PTPRD: variants seen among roughly 807,000 people sequenced by gnomAD.
PTPRD encodes the protein receptor-type tyrosine-protein phosphatase delta.
PTPRD carries 34 observed loss-of-function variants against 214.5 expected under a neutral mutation model. The observed-to-expected ratio is 0.16, with a 90% confidence interval of 0.12 to 0.21. The LOEUF is 0.21. Among genes scored for constraint, PTPRD ranks in the 10% least tolerant of loss-of-function variants. The pLI is 1.00. For synonymous variants in PTPRD, 1,128 were observed against 845.7 expected (o/e 1.33, Z -5.79); for missense variants, 2,545 against 2,398.7 (o/e 1.06, Z -1.27).
intron 5 of PTPRD, among the ~76,000 whole-genome samples, chr9:9,808,040 G>C (rs2045973099): frequency 6.6e-6 from 1 of 152,126 alleles, no homozygotes; most frequent in Admixed American, 6.5e-5. Flanking sequence ...AGAAAGGAGT[G>C]AAACCAAAAT....
intron 9 of PTPRD, among the ~76,000 whole-genome samples, chr9:9,302,597 TTTTC>T (rs1955760083): frequency 7.3e-5 from 5 of 68,804 alleles, no homozygotes; most frequent in Admixed American, 5.2e-4. Context: ...GTAGTTTTTT[TTTTC>T]TTTTTTTTTT....
intron 11 of PTPRD, among the ~76,000 whole-genome samples, chr9:8,785,262 A>G (rs1227418753): frequency 6.6e-6 from 1 of 152,236 alleles, no homozygotes; most frequent in Non-Finnish European, 1.5e-5. Flanking sequence ...CTAATCAATG[A>G]AAGAGAAACC....
intron 7 of PTPRD, among the ~76,000 whole-genome samples, chr9:9,646,429 A>G (rs1428917890): frequency 1.3e-5 from 2 of 151,914 alleles, no homozygotes; most frequent in Non-Finnish European, 2.9e-5. Flanking sequence ...CATTTAGCAG[A>G]GTAAGTACCA....
intron 6 of PTPRD, among the ~76,000 whole-genome samples, chr9:9,755,182 G>A (rs546151794): frequency 5.8e-4 from 88 of 152,048 alleles, no homozygotes; most frequent in Admixed American, 9.2e-4. Flanking sequence ...GGTTCAGGAG[G>A]CAAATGAAAA....
chr9:9,134,165 C>T (rs1238661105), intron 10 of PTPRD, among the ~76,000 whole-genome samples: 3 of 138,834 alleles, frequency 2.2e-5, no homozygotes, highest in South Asian at 4.4e-4. Context: ...CTCCGCTTCC[C>T]GGGTTCACGC....
intron 8 of PTPRD, among the ~76,000 whole-genome samples, chr9:9,478,344 G>A (rs868710044): frequency 6.6e-6 from 1 of 152,070 alleles, no homozygotes; most frequent in Non-Finnish European, 1.5e-5. Flanking sequence ...TTAAGGTCTT[G>A]GATTCTGACA....
chr9:8,568,847 C>T (rs2090230405), intron 14 of PTPRD, among the ~76,000 whole-genome samples: 1 of 151,898 alleles, frequency 6.6e-6, no homozygotes. Flanking sequence ...TCTAAGTTCT[C>T]GGTGCTGCCT....
intron 3 of PTPRD, among the ~76,000 whole-genome samples, chr9:10,044,216 A>G (rs2097348901): frequency 6.6e-6 from 1 of 151,182 alleles, no homozygotes; most frequent in African/African-American, 2.4e-5. Flanking sequence ...AACATGAGTA[A>G]GAGAATAAGG....
At chr9:9,219,014 G>C (rs182074974) in intron 9 of PTPRD, among the ~76,000 whole-genome samples, 376 of 152,080 alleles carry the variant, frequency 2.5e-3, no homozygotes, top group African/African-American at 8.7e-3. Flanking sequence ...GGAAAGGAAG[G>C]GGTACTTTGG....
chr9:8,793,347 T>C (rs887690036), intron 11 of PTPRD, among the ~76,000 whole-genome samples: 1 of 152,290 alleles, frequency 6.6e-6, no homozygotes, highest in Non-Finnish European at 1.5e-5. Flanking sequence ...TGGTCCAAAA[T>C]GGAAGTAAGA....
chr9:10,479,944 AT>A (rs2099087322), intron 2 of PTPRD, among the ~76,000 whole-genome samples: 1 of 152,096 alleles, frequency 6.6e-6, no homozygotes. Flanking sequence ...GGGTCTTAAA[AT>A]TTTTCGTTTT....
In PTPRD at chr9:8,980,152, C is replaced by G. The variant is rs375335121; in HGVS notation, c.-104+38545G>C. ...CACATAAATAAAAATATTGCATGATCTCACATATGTGAATTTTTTTAAAAA... is the reference window on the plus strand; with the variant it reads ...CACATAAATAAAAATATTGCATGATGTCACATATGTGAATTTTTTTAAAAA... On this transcript the variant is annotated intron_variant, in intron 11 of 45. Transcript: ENST00000381196. Among the ~76,000 whole-genome samples the G allele has an allele frequency of 3.3e-5, 5 of 151,930 alleles. 1 individual carries two copies. The highest frequency in any genetic ancestry group is 3.4e-3 in the Middle Eastern group (1 of 294).
chr9:10,096,009 C>T (rs558595920), intron 3 of PTPRD, among the ~76,000 whole-genome samples: 77 of 151,488 alleles, frequency 5.1e-4, no homozygotes, highest in Non-Finnish European at 9.7e-4. Context: ...CTGTATATTC[C>T]TTTGCCCTAT....
At chr9:9,201,883 C>T (rs1384726069) in intron 9 of PTPRD, among the ~76,000 whole-genome samples, 1 of 152,098 alleles carries the variant, frequency 6.6e-6, no homozygotes, top group Admixed American at 6.6e-5. Context: ...AGCTGTGGAG[C>T]ACAGCAAAAA....
chr9:8,860,507 A>G (rs555420737), intron 11 of PTPRD: 2 of 152,332 alleles, frequency 1.3e-5, no homozygotes, highest in African/African-American at 2.4e-5. Flanking sequence ...TATTATACCA[A>G]TGAGACTGAG....
chr9:10,438,733 T>G (rs2098739024), intron 2 of PTPRD, among the ~76,000 whole-genome samples: 1 of 151,834 alleles, frequency 6.6e-6, no homozygotes, highest in African/African-American at 2.4e-5. Flanking sequence ...AAATATAAAC[T>G]TTTAAAATCT....
intron 3 of PTPRD, among the ~76,000 whole-genome samples, chr9:10,225,126 G>C (rs1211557353): frequency 6.6e-6 from 1 of 151,812 alleles, no homozygotes; most frequent in East Asian, 1.9e-4. Flanking sequence ...ATAGCTCCAT[G>C]TCATAAAACT....
intron 4 of PTPRD, among the ~76,000 whole-genome samples, chr9:10,019,169 T>A (rs1216939607): frequency 6.6e-6 from 1 of 151,976 alleles, no homozygotes; most frequent in African/African-American, 2.4e-5. Context: ...AAAAGACACA[T>A]GAAAAAATGC....
intron 14 of PTPRD, among the ~76,000 whole-genome samples, chr9:8,580,959 G>A (rs944028203): frequency 1.2e-4 from 18 of 152,122 alleles, no homozygotes; most frequent in Admixed American, 1.0e-3. Flanking sequence ...TTTGTTGTTG[G>A]TAATTGCAAA....
Sources: allele counts gnomAD v4.1 joint callset (sites outside exome capture counted in the v4.1 genomes callset), GRCh38; gene constraint gnomAD v4.1.1; transcripts MANE v1.5; gene names NCBI Gene and HGNC (gene_info 2026-07-23, HGNC 2026-07-21).